Variants in PRMT3 observed in about 807,000 individuals in gnomAD.
The protein encoded by PRMT3 is protein arginine N-methyltransferase 3.
Under a neutral mutation model 71.9 loss-of-function variants are expected in PRMT3, and 62 were observed. The observed-to-expected ratio is 0.86, with a 90% CI of 0.70 to 1.07. PRMT3 has a LOEUF of 1.07. Among genes scored for constraint, PRMT3 ranks in the 50% least tolerant of loss-of-function variants. The pLI, the probability that PRMT3 is intolerant of heterozygous loss-of-function variation, is 0.00. For missense variants in PRMT3, 663 were observed against 643.0 expected (o/e 1.03, Z -0.34); for synonymous variants, 213 against 220.4 (o/e 0.97, Z 0.30).
intron 13 of PRMT3, among the ~76,000 whole-genome samples, chr11:20,491,051 T>G (rs1565236668): frequency 6.6e-6 from 1 of 152,202 alleles, no homozygotes; most frequent in Non-Finnish European, 1.5e-5. Context: ...TTTTAATTGC[T>G]GTCTTTTTCC....
intron 7 of PRMT3, among the ~76,000 whole-genome samples, chr11:20,401,542 A>G (rs1181076540): frequency 2.0e-5 from 3 of 152,142 alleles, no homozygotes; most frequent in East Asian, 1.9e-4. Context: ...CCTTTTATGC[A>G]TTAAAAAAAA....
Position 20,387,773 on chromosome 11 carries a change from C to T in PRMT3, c.27C>T (p.Thr9=). 2 of 1,542,084 alleles carry T rather than the reference C, an allele frequency of 1.3e-6. No individual in the cohort carries two copies. Among genetic ancestry groups the T allele is most frequent in the Non-Finnish European group, 1.7e-6 (2 of 1,146,290 alleles). Reference sequence around the variant, plus strand: ...TGTGCTCGTTAGCGTCAGGCGCTACCGGTGGGTACCCTGGCCCCTCAGCAC... The same window carrying T: ...TGTGCTCGTTAGCGTCAGGCGCTACTGGTGGGTACCCTGGCCCCTCAGCAC... The part of the protein sequence containing the change: MCSLASGA[T]GGRGAVENEE... Residue 9 remains threonine (T), a splice_region_variant and synonymous_variant, in exon 1 of 16, where the codon ACC becomes ACT. Coordinates refer to ENST00000331079, the MANE Select transcript of PRMT3 (RefSeq NM_005788.4). The surrounding 1 kb of genome is among the most constrained non-coding windows in gnomAD (Gnocchi z 4.3).
intron 10 of PRMT3, among the ~76,000 whole-genome samples, chr11:20,435,285 T>A (rs1481764916): frequency 2.0e-5 from 3 of 152,186 alleles, no homozygotes; most frequent in Non-Finnish European, 4.4e-5. Context: ...CACCGCAACC[T>A]CTGCCTCCTG....
At position 20,508,612 on chromosome 11, in the gene PRMT3, T is replaced by G. The variant is rs918345205; in HGVS notation, c.*199T>G. On this transcript the variant is annotated 3_prime_UTR_variant, in exon 16 of 16. Coordinates refer to ENST00000331079, the MANE Select transcript of PRMT3 (RefSeq NM_005788.4). ...AGAGAATCAGCTGATCCTCATGGTC[T>G]GCCACGTAATCATTTTCTTAGACGT... 3 of 679,048 alleles carry G rather than the reference T, an allele frequency of 4.4e-6. No homozygotes were observed. The African/African-American group carries it at 5.3e-5, about 12-fold the overall frequency. The allele number at this position is 679,048 out of a possible 1,614,324, so 42.1% of individuals were successfully genotyped here. A position where few individuals can be genotyped will look rare whatever the true frequency, so the allele number is the denominator to read the frequency against.
At chr11:20,464,369 T>A in intron 12 of PRMT3, 91 bp from the exon 13 acceptor site, 1 of 1,442,462 alleles carries the variant, frequency 6.9e-7, no homozygotes, top group Non-Finnish European at 9.1e-7. Context: ...AAAGAAGTAA[T>A]GTTTGTCTGG....
chr11:20,438,174 C>T (rs1439534398), intron 10 of PRMT3, among the ~76,000 whole-genome samples: 1 of 152,076 alleles, frequency 6.6e-6, no homozygotes, highest in African/African-American at 2.4e-5. Flanking sequence ...AGGCACCCTC[C>T]AGCAGCTCGG....
At chr11:20,402,138 G>GA (rs1431839179) in intron 7 of PRMT3, among the ~76,000 whole-genome samples, 1 of 151,040 alleles carries the variant, frequency 6.6e-6, no homozygotes, top group Non-Finnish European at 1.5e-5. Context: ...TGTTTTTTGA[G>GA]ACGGAATTTG....
chr11:20,468,079 TAGTTAG>T (rs1278747715), intron 13 of PRMT3, among the ~76,000 whole-genome samples: 3 of 152,282 alleles, frequency 2.0e-5, no homozygotes, highest in East Asian at 1.9e-4. Flanking sequence ...TTCCCCTTTA[TAGTTAG>T]AAGAATTAGC....
intron 7 of PRMT3, among the ~76,000 whole-genome samples, chr11:20,402,530 GCTTCTCC>G (rs1158264674): frequency 6.6e-6 from 1 of 152,074 alleles, no homozygotes; most frequent in Non-Finnish European, 1.5e-5. Context: ...ACTGCACTTG[GCTTCTCC>G]CTTATTTTAA....
At chr11:20,438,147 A>G (rs991985584) in intron 10 of PRMT3, among the ~76,000 whole-genome samples, 6 of 152,112 alleles carry the variant, frequency 3.9e-5, no homozygotes, top group Admixed American at 2.6e-4. Flanking sequence ...CACAAGAACT[A>G]GGATCTGTGA....
At chr11:20,501,164 A>G (rs999053213) in intron 15 of PRMT3, among the ~76,000 whole-genome samples, 1 of 152,178 alleles carries the variant, frequency 6.6e-6, no homozygotes. Flanking sequence ...AAATGTCTTC[A>G]GAGCTAATTG....
chr11:20,472,523 A>G (rs769942659), intron 13 of PRMT3, among the ~76,000 whole-genome samples: 20 of 152,250 alleles, frequency 1.3e-4, no homozygotes, highest in Admixed American at 6.5e-4. Context: ...TGTTCAACCA[A>G]TTTTGCCTCC....
chr11:20,424,825 TAAG>T (rs1849508882), intron 9 of PRMT3, among the ~76,000 whole-genome samples: 2 of 152,122 alleles, frequency 1.3e-5, no homozygotes, highest in Non-Finnish European at 2.9e-5. Flanking sequence ...AATTCAGTAA[TAAG>T]AATACAACTG....
chr11:20,508,171 GA>G, intron 15 of PRMT3, 132 bp from the exon 16 acceptor site: 1 of 345,956 alleles, frequency 2.9e-6, no homozygotes, highest in Non-Finnish European at 5.0e-6. Flanking sequence ...AAAAAAAAAA[GA>G]ATATTAACCT....
chr11:20,418,698 C>G (rs1005975083), intron 9 of PRMT3, among the ~76,000 whole-genome samples: 6 of 151,796 alleles, frequency 4.0e-5, no homozygotes, highest in African/African-American at 1.5e-4. Context: ...AAGCCTTAAT[C>G]AGTATTTTGG....
rs1590041359 is a variant in PRMT3, at chr11:20,408,101, T to C, written c.893+69T>C. On this transcript the variant is annotated intron_variant, in intron 9 of 15. Transcript: ENST00000331079. ...AATGATTATTTAATAGATTTTCTTGTCTTTAGTAGCTATCTAAGGCAGACT... is the reference window on the plus strand; with the variant it reads ...AATGATTATTTAATAGATTTTCTTGCCTTTAGTAGCTATCTAAGGCAGACT... The C allele has an allele frequency of 1.4e-5, 16 of 1,176,624 alleles. No individual in the cohort carries two copies. The East Asian group carries it at 4.4e-4, about 33-fold the overall frequency. The allele number at this position is 1,176,624 out of a possible 1,614,324, so 72.9% of individuals were successfully genotyped here. A position where few individuals can be genotyped will look rare whatever the true frequency, so the allele number is the denominator to read the frequency against.
At chr11:20,422,625 A>T (rs956171501) in intron 9 of PRMT3, among the ~76,000 whole-genome samples, 1 of 152,128 alleles carries the variant, frequency 6.6e-6, no homozygotes, top group Non-Finnish European at 1.5e-5. Context: ...TAGGTAGGCA[A>T]ACATCCTAGG....
At chr11:20,404,951 A>G (rs927089070) in intron 8 of PRMT3, among the ~76,000 whole-genome samples, 1 of 152,246 alleles carries the variant, frequency 6.6e-6, no homozygotes, top group Non-Finnish European at 1.5e-5. Context: ...ATGTTCCTTC[A>G]GTATGCTTCT....
At chr11:20,456,272 A>G (rs1850266047) in intron 11 of PRMT3, among the ~76,000 whole-genome samples, 1 of 152,204 alleles carries the variant, frequency 6.6e-6, no homozygotes, top group Admixed American at 6.5e-5. Context: ...ACATGTGCTC[A>G]GTCTCTGTCG....
Sources: gnomAD v4.1 joint callset for allele counts (sites outside exome capture counted in the v4.1 genomes callset) on GRCh38, gnomAD v4.1.1 for gene constraint, Gnocchi (gnomAD v3.1) non-coding constraint, MANE v1.5 for transcripts, NCBI Gene and HGNC (gene_info 2026-07-23, HGNC 2026-07-21) for gene names.